Variants in UCK2 observed in about 807,000 individuals in gnomAD.
UCK2 encodes cytidine monophosphokinase 2.
In UCK2, 6 loss-of-function variants were observed where a neutral mutation model predicts 30.8. The ratio of observed to expected loss-of-function variants is 0.19; its 90% CI spans 0.11 to 0.38. The LOEUF (loss-of-function observed/expected upper bound fraction) is 0.38. UCK2 is among the 10% of genes least tolerant of loss of function. The pLI, the probability that UCK2 is intolerant of heterozygous loss-of-function variation, is 1.00. For synonymous variants in UCK2, 125 were observed against 133.6 expected (o/e 0.94, Z 0.45); for missense variants, 210 against 339.8 (o/e 0.62, Z 3.00).
chr1:165,899,474 T>A (rs1385155650), intron 4 of UCK2, among the ~76,000 whole-genome samples: 1 of 152,220 alleles, frequency 6.6e-6, no homozygotes, highest in Non-Finnish European at 1.5e-5. Flanking sequence ...CCTCATCAGA[T>A]TTTTAAAGTG....
intron 1 of UCK2, 120 bp from the exon 2 acceptor site, chr1:165,890,084 G>C: frequency 8.9e-7 from 1 of 1,120,948 alleles, no homozygotes; most frequent in Non-Finnish European, 1.3e-6. Flanking sequence ...GCTGCCTTTG[G>C]ATTCTTCCTT....
intron 1 of UCK2, among the ~76,000 whole-genome samples, chr1:165,833,124 C>T (rs2101847477): frequency 6.6e-6 from 1 of 152,312 alleles, no homozygotes; most frequent in South Asian, 2.1e-4. Context: ...CTGCTCTGTT[C>T]TGGAACCTTG....
chr1:165,848,619 C>T (rs1018187264), intron 1 of UCK2, among the ~76,000 whole-genome samples: 1 of 151,640 alleles, frequency 6.6e-6, no homozygotes, highest in Non-Finnish European at 1.5e-5. Flanking sequence ...GATGACAGAG[C>T]AAGACTCTTG....
chr1:165,885,806 G>A (rs1457430035), intron 1 of UCK2, among the ~76,000 whole-genome samples: 1 of 152,196 alleles, frequency 6.6e-6, no homozygotes, highest in Non-Finnish European at 1.5e-5. Flanking sequence ...TAAGCTTGTG[G>A]TATGCAAATG....
At chr1:165,907,403 G>A (rs2101890540) in intron 6 of UCK2, among the ~76,000 whole-genome samples, 1 of 152,236 alleles carries the variant, frequency 6.6e-6, no homozygotes, top group South Asian at 2.1e-4. Flanking sequence ...TCATCCAGTG[G>A]TGACTGATCA....
chr1:165,899,140 T>G (rs998916435), intron 4 of UCK2, among the ~76,000 whole-genome samples: 1 of 152,196 alleles, frequency 6.6e-6, no homozygotes, highest in Non-Finnish European at 1.5e-5. Context: ...CTCCTGGGCA[T>G]GTGACCTCCA....
chr1:165,828,455 G>C (rs562073903), intron 1 of UCK2, among the ~76,000 whole-genome samples: 1 of 152,254 alleles, frequency 6.6e-6, no homozygotes, highest in Non-Finnish European at 1.5e-5. Flanking sequence ...CGGGGAAGGG[G>C]AGCCCAGTGT....
intron 1 of UCK2, among the ~76,000 whole-genome samples, chr1:165,854,930 G>A (rs1027539582): frequency 8.5e-5 from 13 of 152,086 alleles, no homozygotes; most frequent in Admixed American, 6.6e-4. Context: ...ATTTAACTGG[G>A]TTTGAATAAT....
rs932505696 is a variant in UCK2 at position 165,862,365 on chromosome 1, G to T, written c.100-27839G>T. On this transcript the variant is annotated intron_variant, in intron 1 of 6. Transcript: ENST00000367879. The stretch of plus-strand genomic sequence containing the variant: ...TTCCAGATCAGAAAACATCCATAGG[G>T]TGTAGTCTGGCCCACGCTTGATGTA... Among the ~76,000 whole-genome samples, 14 of 152,178 alleles carry T rather than the reference G, an allele frequency of 9.2e-5. 1 individual carries two copies. The highest frequency in any genetic ancestry group is 3.1e-4 in the African/African-American group (13 of 41,442).
In UCK2 at chr1:165,871,917, T is replaced by C. The variant is rs568507805; in HGVS notation, c.100-18287T>C. ...AGTTTCCTTAATATATAAAGAGCTT[T>C]TATAAATCAATAAGAAATAAAAGAC... On this transcript the variant is annotated intron_variant, in intron 1 of 6. Transcript: ENST00000367879. Among the ~76,000 whole-genome samples the C allele has an allele frequency of 2.6e-5, 4 of 152,260 alleles. No individual in the cohort carries two copies. The South Asian group carries it at 8.3e-4, about 32-fold the overall frequency.
At chr1:165,869,317 C>T (rs1038210246) in intron 1 of UCK2, among the ~76,000 whole-genome samples, 8 of 152,110 alleles carry the variant, frequency 5.3e-5, no homozygotes, top group South Asian at 2.1e-4. Context: ...ACAAGACTTG[C>T]TTCACACAGT....
Position 165,896,192 on chromosome 1 carries a change from A to G in UCK2, c.359A>G (p.Lys120Arg). Reference protein sequence around the residue: ...PVYDFVSHSRKEETVTVYPAD... With the variant: ...PVYDFVSHSRREETVTVYPAD... ...ATTATCTGCTCTGTGCTTTGCAGGA[A>G]GGAGGAGACAGTTACTGTCTATCCC... The change falls in exon 4 of 7, where the codon AAG becomes AGG. Residue 120 changes from lysine (K) to arginine (R), a missense_variant and splice_region_variant. Lys to Arg is a conservative substitution (Grantham distance 26). Transcript: ENST00000367879. 2.5e-6 allele frequency: 4 copies of G among 1,614,132 alleles called. No homozygotes were observed. Among genetic ancestry groups the G allele is most frequent in the Non-Finnish European group, 3.4e-6 (4 of 1,180,020 alleles).
At chr1:165,878,607 G>C (rs1571287246) in intron 1 of UCK2, among the ~76,000 whole-genome samples, 1 of 152,314 alleles carries the variant, frequency 6.6e-6, no homozygotes, top group Non-Finnish European at 1.5e-5. Context: ...GCCTCCCAAA[G>C]TGCTGGGATT....
At chr1:165,863,922 A>T (rs1352733531) in intron 1 of UCK2, among the ~76,000 whole-genome samples, 1 of 152,162 alleles carries the variant, frequency 6.6e-6, no homozygotes, top group Admixed American at 6.5e-5. Flanking sequence ...CAGTCACCTT[A>T]TGTGTTTTAT....
At chr1:165,869,658 C>CTTTT (rs1557840808) in intron 1 of UCK2, among the ~76,000 whole-genome samples, 16 of 66,754 alleles carry the variant, frequency 2.4e-4, no homozygotes, top group African/African-American at 8.1e-4. Flanking sequence ...TCATCATGGG[C>CTTTT]CTTTTTTTTT....
At chr1:165,857,777 G>A (rs1654786907) in intron 1 of UCK2, among the ~76,000 whole-genome samples, 1 of 152,294 alleles carries the variant, frequency 6.6e-6, no homozygotes, top group African/African-American at 2.4e-5. Flanking sequence ...TTCCCCTGCA[G>A]CTTTGGCTGA....
intron 1 of UCK2, among the ~76,000 whole-genome samples, chr1:165,856,933 A>G (rs1473928007): frequency 7.3e-6 from 1 of 137,816 alleles, no homozygotes; most frequent in Non-Finnish European, 1.6e-5. Flanking sequence ...TTTTGCGAAC[A>G]TGTTGACAGA....
At chr1:165,857,089 G>A (rs1654767273) in intron 1 of UCK2, among the ~76,000 whole-genome samples, 1 of 152,050 alleles carries the variant, frequency 6.6e-6, no homozygotes, top group Non-Finnish European at 1.5e-5. Flanking sequence ...GAGTGACCTT[G>A]AGTCAACCAC....
chr1:165,848,152 G>T (rs991468159), intron 1 of UCK2, among the ~76,000 whole-genome samples: 2 of 152,176 alleles, frequency 1.3e-5, no homozygotes, highest in African/African-American at 4.8e-5. Context: ...GAAAAAGTTG[G>T]GTGAAATATT....
Sources: allele counts gnomAD v4.1 joint callset (sites outside exome capture counted in the v4.1 genomes callset), GRCh38; gene constraint gnomAD v4.1.1; transcripts MANE v1.5; gene names NCBI Gene and HGNC (gene_info 2026-07-23, HGNC 2026-07-21).